PAM: variants seen among roughly 807,000 people sequenced by gnomAD.
PAM encodes peptidyl-glycine alpha-amidating monooxygenase.
PAM carries 72 observed loss-of-function variants against 122.1 expected under a neutral mutation model. That is an observed-to-expected ratio of 0.59 (90% confidence interval 0.49 to 0.72). The LOEUF is 0.72. Among genes scored for constraint, PAM ranks in the 30% least tolerant of loss-of-function variants. The pLI is 0.00. For missense variants in PAM, 1,106 were observed against 1,183.7 expected, an observed-to-expected ratio of 0.93 and a Z score of 0.96; for synonymous variants, 389 against 404.4, an observed-to-expected ratio of 0.96 and a Z score of 0.46.
chr5:102,829,429 T>C (rs1774730430), intron 1 of PAM, among the ~76,000 whole-genome samples: 1 of 149,754 alleles, frequency 6.7e-6, no homozygotes, highest in Non-Finnish European at 1.5e-5. Context: ...AGGAGTGCAG[T>C]GTCGCGATCT....
chr5:102,864,962 T>G (rs967030498), intron 1 of PAM, among the ~76,000 whole-genome samples: 21 of 152,210 alleles, frequency 1.4e-4, no homozygotes, highest in African/African-American at 4.3e-4. Context: ...GCTGTAACAT[T>G]AGTTCTTCAT....
chr5:102,884,240 T>G (rs557697917), intron 3 of PAM, among the ~76,000 whole-genome samples: 1 of 151,752 alleles, frequency 6.6e-6, no homozygotes, highest in South Asian at 2.1e-4. Flanking sequence ...TTTATAGTTG[T>G]TAAAAATTAA....
At chr5:102,994,715 A>G (rs1775138913) in intron 16 of PAM, among the ~76,000 whole-genome samples, 1 of 152,192 alleles carries the variant, frequency 6.6e-6, no homozygotes, top group Non-Finnish European at 1.5e-5. Context: ...TGTTTTAAAA[A>G]TATTGAATTC....
rs76029896 is a variant in PAM, at chr5:102,830,865, T to C, written c.-373-34958T>C. ...ACAAATGTGATAGGAACATTAGACT[T>C]CTGACTCTGTATTTTGGATGTTTTG... is the stretch of plus-strand genomic sequence containing the variant. On this transcript the variant is annotated intron_variant, in intron 1 of 25. Transcript: ENST00000438793. 1.6e-3 allele frequency among the ~76,000 whole-genome samples: 239 copies of C among 149,546 alleles called. 4 individuals are homozygous for C. The East Asian group carries it at 0.033, about 21-fold the overall frequency.
At chr5:102,776,361 T>C (rs1253649749) in intron 1 of PAM, among the ~76,000 whole-genome samples, 1 of 152,150 alleles carries the variant, frequency 6.6e-6, no homozygotes, top group Non-Finnish European at 1.5e-5. Flanking sequence ...TTGTCAATTT[T>C]TGCTTTTGTT....
chr5:103,005,078 GATTA>G (rs3834262), intron 17 of PAM, 72 bp from the exon 18 acceptor site: 230,183 of 827,398 alleles, frequency 0.28, 33,547 homozygotes, highest in East Asian at 0.43. Context: ...TGTCTTTACA[GATTA>G]ATTAGAAAAA....
chr5:102,842,205 A>AATATATATATAT lies in PAM; in HGVS notation c.-373-23607_-373-23596dup, dbSNP rs71226933. On this transcript the variant is annotated intron_variant, in intron 1 of 25. Transcript: ENST00000438793. ...TTTAACTTTACAAAAATACAACCTA[A>AATATATATATAT]ATATATATATATATATATATATCTC... Among the ~76,000 whole-genome samples the AATATATATATAT allele has an allele frequency of 2.6e-3, 377 of 143,028 alleles. 4 individuals are homozygous for AATATATATATAT. Among genetic ancestry groups the AATATATATATAT allele is most frequent in the African/African-American group, 9.3e-3 (356 of 38,320 alleles). The allele number at this position is 143,028 out of a possible 152,430, so 93.8% of individuals were successfully genotyped here.
intron 5 of PAM, among the ~76,000 whole-genome samples, chr5:102,916,630 ATATATATATATATATTCCTT>A (rs995830778): frequency 6.8e-6 from 1 of 146,752 alleles, no homozygotes; most frequent in African/African-American, 2.5e-5. Flanking sequence ...GCCTTTTTAT[ATATATATATATATATTCCTT>A]TATATATATA....
At chr5:102,905,757 C>T (rs62362488) in intron 4 of PAM, among the ~76,000 whole-genome samples, 5,258 of 151,684 alleles carry the variant, frequency 0.035, 136 homozygotes, top group Non-Finnish European at 0.054. Flanking sequence ...CATTCTGTTA[C>T]CTTTCTGCTT....
In PAM at chr5:102,795,214, A is replaced by AAAAAAAAAAAAAAAAG. The variant is rs1241209233; in HGVS notation, c.-374+39867_-374+39868insAAAAAAAAAAAAAAGA. Among the ~76,000 whole-genome samples, 5 of 139,398 alleles carry AAAAAAAAAAAAAAAAG rather than the reference A, an allele frequency of 3.6e-5. No homozygotes were observed. In the East Asian group the frequency reaches 8.6e-4, roughly 24 times the overall value. The allele number at this position is 139,398 out of a possible 152,430, so 91.5% of individuals were successfully genotyped here. On this transcript the variant is annotated intron_variant, in intron 1 of 25. Transcript: ENST00000438793. ...CAAAAAAAAAAAAAAAAAAAAAAAG[A>AAAAAAAAAAAAAAAAG]AGAGAAGAAAAAGAAAAAGAAAAGT...
intron 1 of PAM, among the ~76,000 whole-genome samples, chr5:102,795,879 T>C (rs1763261613): frequency 6.6e-6 from 1 of 152,232 alleles, no homozygotes; most frequent in Non-Finnish European, 1.5e-5. Flanking sequence ...TAGTGCATTT[T>C]TTCCTGAAAT....
chr5:103,016,423 CCTT>C (rs1217551969), intron 21 of PAM, among the ~76,000 whole-genome samples: 2 of 152,156 alleles, frequency 1.3e-5, no homozygotes, highest in Non-Finnish European at 2.9e-5. Flanking sequence ...TCCAGGCAGG[CCTT>C]CTGGCCTTAA....
At chr5:102,974,075 A>G in intron 14 of PAM, 41 bp from the exon 15 acceptor site, 1 of 1,429,620 alleles carries the variant, frequency 7.0e-7, no homozygotes, top group Admixed American at 2.0e-5. Context: ...TTGCAATCTT[A>G]TCTACCCTCC....
chr5:103,026,066 C>T (rs529618747), intron 24 of PAM, among the ~76,000 whole-genome samples: 3 of 152,276 alleles, frequency 2.0e-5, no homozygotes, highest in African/African-American at 7.2e-5. Flanking sequence ...GCTCATCAGC[C>T]TTCCATAACT....
intron 1 of PAM, among the ~76,000 whole-genome samples, chr5:102,795,774 T>C (rs947073209): frequency 6.6e-6 from 1 of 152,290 alleles, no homozygotes; most frequent in East Asian, 1.9e-4. Flanking sequence ...AGCCATAAAA[T>C]AAATGGCAAC....
intron 3 of PAM, among the ~76,000 whole-genome samples, chr5:102,890,390 G>A (rs886251345): frequency 6.6e-6 from 1 of 151,826 alleles, no homozygotes; most frequent in African/African-American, 2.4e-5. Flanking sequence ...CATCATTGCC[G>A]TGGTTAATTA....
chr5:102,790,381 C>T (rs1022250379), intron 1 of PAM, among the ~76,000 whole-genome samples: 1 of 152,054 alleles, frequency 6.6e-6, no homozygotes, highest in African/African-American at 2.4e-5. Context: ...CTATTATTCC[C>T]ATTGTATAGA....
At chr5:102,934,232 G>C (rs1347967767) in intron 7 of PAM, among the ~76,000 whole-genome samples, 2 of 152,174 alleles carry the variant, frequency 1.3e-5, no homozygotes, top group Admixed American at 6.5e-5. Flanking sequence ...TACAGTGGAA[G>C]GGAGACATAA....
intron 5 of PAM, among the ~76,000 whole-genome samples, chr5:102,922,715 A>G (rs1747872030): frequency 6.6e-6 from 1 of 152,240 alleles, no homozygotes; most frequent in Admixed American, 6.5e-5. Flanking sequence ...GTTTAACCTA[A>G]GACTGTCATC....
Sources: gnomAD v4.1 joint callset for allele counts (sites outside exome capture counted in the v4.1 genomes callset) on GRCh38, gnomAD v4.1.1 for gene constraint, MANE v1.5 for transcripts, NCBI Gene and HGNC (gene_info 2026-07-23, HGNC 2026-07-21) for gene names.